NCOR2: variants seen among roughly 807,000 people sequenced by gnomAD.
NCOR2 encodes the protein CTG repeat protein 26.
Under a neutral mutation model 262.9 loss-of-function variants are expected in NCOR2, and 81 were observed. The observed-to-expected ratio is 0.31, with a 90% CI of 0.26 to 0.37. The LOEUF (loss-of-function observed/expected upper bound fraction) is 0.37. NCOR2 is among the 10% of genes least tolerant of loss of function. NCOR2 has a pLI of 1.00. For synonymous variants in NCOR2, 1,659 were observed against 1,559.3 expected (o/e 1.06, Z -1.51); for missense variants, 3,385 against 3,621.4 (o/e 0.93, Z 1.68).
chr12:124,333,100 C>CG, intron 42 of NCOR2, 30 bp downstream of exon 44: 1 of 1,569,786 alleles, frequency 6.4e-7, no homozygotes, highest in Non-Finnish European at 8.7e-7. Flanking sequence ...CAGAGCATCC[C>CG]GGGGGCAGCG....
At chr12:124,496,453 G>A (rs955670860), upstream of NCOR2, among the ~76,000 whole-genome samples, 9 of 152,128 alleles carry the variant, frequency 5.9e-5, no homozygotes, top group Non-Finnish European at 7.4e-5. This position sits in a 1 kb window ranked among gnomAD's most constrained non-coding sequence, Gnocchi z 4.4. Context: ...ATGCACCCTG[G>A]CACCGGGACC....
chr12:124,368,606 T>C (rs1220625635), intron 20 of NCOR2, among the ~76,000 whole-genome samples: 1 of 152,240 alleles, frequency 6.6e-6, no homozygotes, highest in Non-Finnish European at 1.5e-5. Flanking sequence ...TGCTGTCCAC[T>C]GGACATACGC....
intron 5 of NCOR2, among the ~76,000 whole-genome samples, chr12:124,461,372 CT>C (rs1184917120): frequency 1.3e-5 from 2 of 152,244 alleles, no homozygotes; most frequent in African/African-American, 2.4e-5. Flanking sequence ...CGTCCACCCC[CT>C]GTAGGGGCTC....
At chr12:124,330,939 T>C in intron 43 of NCOR2, 41 bp from the exon 46 acceptor site, 1 of 1,558,894 alleles carries the variant, frequency 6.4e-7, no homozygotes, top group Non-Finnish European at 8.7e-7. Context: ...CCCAGGTCTC[T>C]GGGAATTACC....
intron 3 of NCOR2, among the ~76,000 whole-genome samples, chr12:124,479,268 G>A (rs913604359): frequency 3.4e-5 from 5 of 148,092 alleles, no homozygotes; most frequent in Non-Finnish European, 6.0e-5. Context: ...ACAAACACAC[G>A]CACACATGCA....
At chr12:124,422,875 C>G (rs557444540) in intron 11 of NCOR2, among the ~76,000 whole-genome samples, 4 of 152,232 alleles carry the variant, frequency 2.6e-5, no homozygotes, top group Admixed American at 1.3e-4. Flanking sequence ...GGGTTCCCCC[C>G]CCTTTAAAAT....
intron 7 of NCOR2, among the ~76,000 whole-genome samples, chr12:124,439,124 C>T (rs1054106723): frequency 9.7e-5 from 14 of 143,966 alleles, no homozygotes; most frequent in South Asian, 6.6e-4. Flanking sequence ...GACCCAGAGA[C>T]AGAGACCCAG....
chr12:124,349,831 G>A (rs77955670), intron 28 of NCOR2, among the ~76,000 whole-genome samples: 2,516 of 152,152 alleles, frequency 0.017, 94 homozygotes, highest in East Asian at 0.13. Context: ...CAGGGCACTC[G>A]GTCCAGGGGC....
At chr12:124,379,993 C>T (rs2040293811) in intron 17 of NCOR2, among the ~76,000 whole-genome samples, 1 of 152,214 alleles carries the variant, frequency 6.6e-6, no homozygotes, top group Admixed American at 6.5e-5. Flanking sequence ...GCTTTGGTTC[C>T]AGACGTCTAG....
intron 21 of NCOR2, 94 bp downstream of exon 23, chr12:124,363,585 G>A: frequency 8.7e-7 from 1 of 1,148,158 alleles, no homozygotes; most frequent in East Asian, 2.9e-5. Context: ...CTAGGCTGCA[G>A]GTGCATGCTC....
rs549548909 is a variant in NCOR2, at chr12:124,328,178, C to T, written c.6959-545G>A. ...AGAGAGAGAAGGTGACCAGATGGTC[C>T]TCCCGCTGCCCCACCTCCACCTGTG... On this transcript the variant is annotated intron_variant, in intron 44 of 46. Coordinates refer to ENST00000405201, the Ensembl canonical transcript of NCOR2. Among the ~76,000 whole-genome samples, 3 of 114,662 alleles carry T rather than the reference C, an allele frequency of 2.6e-5. No individual in the cohort carries two copies. The Admixed American group carries it at 2.8e-4, about 11-fold the overall frequency. The allele number at this position is 114,662 out of a possible 152,430, so 75.2% of individuals were successfully genotyped here.
At chr12:124,539,804 G>T, upstream of NCOR2, 1 of 152,464 alleles carries the variant, frequency 6.6e-6, no homozygotes. The surrounding 1 kb of genome is among the most constrained non-coding windows in gnomAD (Gnocchi z 5.1). Context: ...CACCCTGCTG[G>T]AACCAGAACA....
At chr12:124,553,996 A>C (rs963739229) in intron 1 of NCOR2, among the ~76,000 whole-genome samples, 1 of 151,838 alleles carries the variant, frequency 6.6e-6, no homozygotes, top group African/African-American at 2.4e-5. Flanking sequence ...CATGGTCAGC[A>C]CCCTCCCCTG....
chr12:124,534,953 C>T (rs1004165130), intron 1 of NCOR2, among the ~76,000 whole-genome samples: 1 of 152,238 alleles, frequency 6.6e-6, no homozygotes, highest in African/African-American at 2.4e-5. Context: ...CATTAATCAC[C>T]GCAGCAAAAC....
Position 124,482,272 on chromosome 12 carries a change from C to T in NCOR2, c.411+1324G>A, listed in dbSNP as rs977282728. Among the ~76,000 whole-genome samples, 23 of 152,020 alleles carry T rather than the reference C, an allele frequency of 1.5e-4. No homozygotes were observed. Among genetic ancestry groups the T allele is most frequent in the Non-Finnish European group, 2.9e-4 (20 of 67,966 alleles). On this transcript the variant is annotated intron_variant, in intron 3 of 46. Coordinates refer to ENST00000405201, the Ensembl canonical transcript of NCOR2. The surrounding 1 kb of genome is among the most constrained non-coding windows in gnomAD (Gnocchi z 6.3). ...TCCCTCCCCTGGCCCCAGAGGCAGC[C>T]CTGTGGGTATCTGGCAGGTGTGCAG...
chr12:124,339,893 G>GGCCACCCCCCCCCCCC, intron 37 of NCOR2, 113 bp downstream of exon 39: 2 of 566,002 alleles, frequency 3.5e-6, no homozygotes, highest in Non-Finnish European at 6.1e-6. Flanking sequence ...CCACACATCT[G>GGCCACCCCCCCCCCCC]CCCACCCACC....
At chr12:124,356,048 C>T (rs966304330) in intron 23 of NCOR2, among the ~76,000 whole-genome samples, 3 of 152,352 alleles carry the variant, frequency 2.0e-5, no homozygotes, top group Non-Finnish European at 2.9e-5. Flanking sequence ...CACCGAGCTT[C>T]GGCAGTGGTG....
Position 124,337,142 on chromosome 12 carries a change from G to A in NCOR2, c.5726C>T (p.Thr1909Ile), listed in dbSNP as rs1284966280. ...TGGGCAGTGGGTGGCAGGTGGGAAT[G>A]TGGCAGCCGGGCGAACGGGTGAGGA... The change falls in exon 38 of 47, where the codon ACA becomes ATA. Residue 1909 changes from threonine to isoleucine, a missense_variant. Physicochemically the swap from Thr to Ile is moderately conservative, Grantham distance 89 (BLOSUM62 -1). Transcript: ENST00000405201. 2.0e-6 allele frequency: 3 copies of A among 1,517,794 alleles called. No homozygotes were observed. In the African/African-American group the frequency reaches 4.1e-5, roughly 21 times the overall value. The allele number at this position is 1,517,794 out of a possible 1,614,324, so 94.0% of individuals were successfully genotyped here.
chr12:124,551,382 G>C (rs2051709534), intron 1 of NCOR2, among the ~76,000 whole-genome samples: 1 of 152,236 alleles, frequency 6.6e-6, no homozygotes. Context: ...CGTGTCCACA[G>C]ACAAGGCAGG....
Sources: gnomAD v4.1 joint callset for allele counts (sites outside exome capture counted in the v4.1 genomes callset) on GRCh38, gnomAD v4.1.1 for gene constraint, Gnocchi (gnomAD v3.1) non-coding constraint, MANE v1.5 for transcripts, NCBI Gene and HGNC (gene_info 2026-07-23, HGNC 2026-07-21) for gene names.